Variants in SLCO1B3 observed in about 807,000 individuals in gnomAD.
The protein encoded by SLCO1B3 is liver-specific organic anion transporter 2.
In SLCO1B3, 72 loss-of-function variants were observed where a neutral mutation model predicts 71.8. The ratio of observed to expected loss-of-function variants is 1.00; its 90% CI spans 0.83 to 1.22. The LOEUF (loss-of-function observed/expected upper bound fraction) is 1.22, where lower values mean the gene tolerates loss of function less well. SLCO1B3 is among the 50% of genes most tolerant of loss of function. The pLI, the probability that SLCO1B3 is intolerant of heterozygous loss-of-function variation, is 0.00. For missense variants in SLCO1B3, 911 were observed against 819.7 expected (o/e 1.11, Z -1.36); for synonymous variants, 298 against 278.4 (o/e 1.07, Z -0.70).
intron 10 of SLCO1B3, among the ~76,000 whole-genome samples, chr12:20,878,950 G>A (rs1865635663): frequency 6.6e-6 from 1 of 152,078 alleles, no homozygotes. Flanking sequence ...GAAACATTTT[G>A]AGAAATGTAT....
intron 8 of SLCO1B3, among the ~76,000 whole-genome samples, chr12:20,863,672 T>C (rs1865316475): frequency 6.6e-6 from 1 of 152,142 alleles, no homozygotes; most frequent in African/African-American, 2.4e-5. Flanking sequence ...GTCTCTCCCA[T>C]CTATGTACAC....
intron 3 of SLCO1B3, among the ~76,000 whole-genome samples, chr12:20,820,399 C>T (rs939247237): frequency 1.1e-4 from 16 of 152,048 alleles, no homozygotes; most frequent in South Asian, 2.1e-4. Context: ...AGATGGGACA[C>T]GGCTTAGGAG....
rs374929442 is a variant in SLCO1B3, at chr12:20,865,602, T to C, written c.727+2748T>C. 2.0e-5 allele frequency among the ~76,000 whole-genome samples: 3 copies of C among 152,128 alleles called. No homozygotes were observed. The South Asian group carries it at 6.2e-4, about 31-fold the overall frequency. On this transcript the variant is annotated intron_variant, in intron 8 of 15. Transcript: ENST00000381545. ...CAGGTCCACTTATACATAGTTTTTT[T>C]GATAAATGTATTGGAAACATTTTTC...
chr12:20,829,879 C>T (rs556829268), intron 3 of SLCO1B3, among the ~76,000 whole-genome samples: 5 of 152,132 alleles, frequency 3.3e-5, no homozygotes, highest in South Asian at 2.1e-4. Flanking sequence ...ACTGTCATGG[C>T]GCTGGTGGGA....
At chr12:20,911,391 GCT>G (rs1218525043) in intron 15 of SLCO1B3, among the ~76,000 whole-genome samples, 2 of 152,038 alleles carry the variant, frequency 1.3e-5, no homozygotes, top group Non-Finnish European at 2.9e-5. Context: ...GAGATGTATC[GCT>G]CTGTAGTTTT....
intron 13 of SLCO1B3, among the ~76,000 whole-genome samples, chr12:20,898,042 G>C (rs957929970): frequency 6.6e-6 from 1 of 152,080 alleles, no homozygotes; most frequent in African/African-American, 2.4e-5. Flanking sequence ...GGTAAAAAGA[G>C]GTCTGCTAAG....
chr12:20,850,850 T>A (rs1865014702), intron 3 of SLCO1B3, among the ~76,000 whole-genome samples: 1 of 152,214 alleles, frequency 6.6e-6, no homozygotes, highest in Non-Finnish European at 1.5e-5. Context: ...TGAATGATAA[T>A]TCTATTTTAA....
chr12:20,908,474 C>CCACT (rs1866301093), intron 15 of SLCO1B3, among the ~76,000 whole-genome samples: 1 of 152,162 alleles, frequency 6.6e-6, no homozygotes, highest in Non-Finnish European at 1.5e-5. Flanking sequence ...TACATAACCA[C>CCACT]CACTCCACTA....
intron 3 of SLCO1B3, among the ~76,000 whole-genome samples, chr12:20,825,760 C>T (rs10770744): frequency 6.9e-6 from 1 of 144,126 alleles, no homozygotes; most frequent in Non-Finnish European, 1.5e-5. Context: ...GATTGTGGCA[C>T]TGCACTCCAG....
chr12:20,860,688 A>T (rs1474311327), intron 5 of SLCO1B3, among the ~76,000 whole-genome samples: 1 of 151,930 alleles, frequency 6.6e-6, no homozygotes, highest in Admixed American at 6.6e-5. Context: ...ACTCAAAGGG[A>T]TAAATAGACA....
intron 3 of SLCO1B3, among the ~76,000 whole-genome samples, chr12:20,837,046 G>A (rs1395287674): frequency 6.6e-6 from 1 of 152,136 alleles, no homozygotes; most frequent in Non-Finnish European, 1.5e-5. Flanking sequence ...TGAGTAGATT[G>A]TTTATTTTGG....
chr12:20,843,815 A>C (rs1273572806), intron 3 of SLCO1B3, among the ~76,000 whole-genome samples: 1 of 151,766 alleles, frequency 6.6e-6, no homozygotes, highest in Non-Finnish European at 1.5e-5. Context: ...TCTTTTGTAC[A>C]TCCACACTTA....
At chr12:20,885,086 A>G (rs1481715562) in intron 13 of SLCO1B3, among the ~76,000 whole-genome samples, 1 of 152,152 alleles carries the variant, frequency 6.6e-6, no homozygotes, top group Non-Finnish European at 1.5e-5. Context: ...AGTTTTAAAA[A>G]CATTGTTCCA....
Position 20,912,301 on chromosome 12 carries a change from TTTTATTTATTTA to T in SLCO1B3, c.1866-3667_1866-3656del, listed in dbSNP as rs142241896. 8.9e-3 allele frequency among the ~76,000 whole-genome samples: 1,237 copies of T among 139,674 alleles called. 17 individuals carry two copies. The highest frequency in any genetic ancestry group is 0.035 in the East Asian group (168 of 4,824). 91.6% of individuals were successfully genotyped at this position (139,674 alleles called of 152,430 possible). A position where few individuals can be genotyped will look rare whatever the true frequency, so the allele number is the denominator to read the frequency against. On this transcript the variant is annotated intron_variant, in intron 15 of 15. Transcript: ENST00000381545. ...CAAATTTCTTCTATTTTATTTTTATTTTTATTTATTTATTTATTTATTTATTTATTTATTTAT... is the reference window on the plus strand; with the variant it reads ...CAAATTTCTTCTATTTTATTTTTATTTTTATTTATTTATTTATTTATTTAT...
Position 20,880,929 on chromosome 12 carries a change from A to G in SLCO1B3, c.1406A>G (p.Gln469Arg). The change falls in exon 12 of 16, where the codon CAG (glutamine) becomes CGG (arginine). Residue 469 changes from glutamine to arginine, a missense_variant. Physicochemically the swap from Gln to Arg is conservative, Grantham distance 43 (BLOSUM62 1). Coordinates refer to ENST00000381545, the MANE Select transcript of SLCO1B3 (RefSeq NM_019844.4). ...CNSECNCDESQWEPVCGNNGI... is the reference protein window; with the variant it reads ...CNSECNCDESRWEPVCGNNGI... ...TCAGAGTGCAATTGTGATGAAAGTC[A>G]GTGGGAACCAGTCTGTGGGAACAAT... is the stretch of plus-strand genomic sequence containing the variant. 7 of 1,611,782 alleles carry G rather than the reference A, an allele frequency of 4.3e-6. No individual in the cohort carries two copies. The highest frequency in any genetic ancestry group is 5.9e-6 in the Non-Finnish European group (7 of 1,177,992).
intron 3 of SLCO1B3, among the ~76,000 whole-genome samples, chr12:20,840,642 C>T (rs1864778442): frequency 6.6e-6 from 1 of 152,086 alleles, no homozygotes; most frequent in South Asian, 2.1e-4. Context: ...CCACCAGCTT[C>T]ATCTTCCCAA....
At chr12:20,845,943 T>A (rs1864909845) in intron 3 of SLCO1B3, among the ~76,000 whole-genome samples, 1 of 151,340 alleles carries the variant, frequency 6.6e-6, no homozygotes, top group Admixed American at 6.6e-5. Context: ...TTGGATTGAT[T>A]TCTTCTATCA....
chr12:20,839,727 GTTA>G (rs1465265958), intron 3 of SLCO1B3, among the ~76,000 whole-genome samples: 1 of 152,018 alleles, frequency 6.6e-6, no homozygotes, highest in Non-Finnish European at 1.5e-5. Flanking sequence ...GAAATTCTCA[GTTA>G]TTATTGTTTC....
At chr12:20,832,399 G>C (rs1205718217) in intron 3 of SLCO1B3, among the ~76,000 whole-genome samples, 1 of 152,078 alleles carries the variant, frequency 6.6e-6, no homozygotes, top group South Asian at 2.1e-4. Context: ...GAATCTGCCA[G>C]TGTATACTTC....
Sources: allele counts gnomAD v4.1 joint callset (sites outside exome capture counted in the v4.1 genomes callset), GRCh38; gene constraint gnomAD v4.1.1; transcripts MANE v1.5; gene names NCBI Gene and HGNC (gene_info 2026-07-23, HGNC 2026-07-21).